Variants in HTT-AS observed in about 807,000 individuals in gnomAD.
HTT-AS encodes the protein HTT antisense RNA (head to head).
At chr4:3,069,750 C>A (rs1174866641) in intron 1 of HTT-AS, among the ~76,000 whole-genome samples, 6 of 152,182 alleles carry the variant, frequency 3.9e-5, no homozygotes, top group Non-Finnish European at 8.8e-5. Context: ...GGAAAGGTTT[C>A]TGTCTGCAGC....
chr4:3,067,880 C>T (rs956062967), intron 1 of HTT-AS, among the ~76,000 whole-genome samples: 2 of 152,128 alleles, frequency 1.3e-5, no homozygotes, highest in South Asian at 2.1e-4. Flanking sequence ...CACCCCCAGA[C>T]GTATCACTGC....
At chr4:3,051,229 C>T (rs559828485) in intron 2 of HTT-AS, among the ~76,000 whole-genome samples, 2 of 152,180 alleles carry the variant, frequency 1.3e-5, no homozygotes, top group African/African-American at 4.8e-5. Flanking sequence ...CCATGCCCAG[C>T]TAATTTTGTA....
intron 2 of HTT-AS, among the ~76,000 whole-genome samples, chr4:3,054,720 AT>A (rs1022446171): frequency 7.5e-4 from 104 of 138,774 alleles, no homozygotes; most frequent in Non-Finnish European, 6.4e-4. Context: ...TTTTCTTTCT[AT>A]TTTTTTTTTT....
chr4:3,064,322 C>T (rs1298136840), intron 1 of HTT-AS, among the ~76,000 whole-genome samples: 1 of 151,938 alleles, frequency 6.6e-6, no homozygotes, highest in East Asian at 1.9e-4. Context: ...CCTCAAACTC[C>T]TTACCTTGTG....
chr4:3,049,954 A>C (rs1248005484), intron 2 of HTT-AS, among the ~76,000 whole-genome samples: 3 of 134,070 alleles, frequency 2.2e-5, no homozygotes, highest in South Asian at 2.6e-4. Context: ...ACACATATAC[A>C]CTTTTTTTTT....
At chr4:3,057,758 T>C (rs368890666) in intron 2 of HTT-AS, among the ~76,000 whole-genome samples, 3 of 151,740 alleles carry the variant, frequency 2.0e-5, no homozygotes, top group Admixed American at 6.6e-5. Flanking sequence ...CTCAGCCTCC[T>C]GAGTAGCTGG....
At chr4:3,058,457 T>C (rs528994939) in intron 2 of HTT-AS, among the ~76,000 whole-genome samples, 2 of 152,336 alleles carry the variant, frequency 1.3e-5, no homozygotes, top group East Asian at 3.9e-4. Flanking sequence ...TAATGAGCTG[T>C]GAGAACAACC....
At chr4:3,065,885 CCAT>C (rs1712038783) in intron 1 of HTT-AS, among the ~76,000 whole-genome samples, 1 of 152,198 alleles carries the variant, frequency 6.6e-6, no homozygotes, top group Admixed American at 6.5e-5. Flanking sequence ...TGCTTTTGCA[CCAT>C]CATCAAGTCA....
At chr4:3,074,612 T>TGGCCCCGCCTCCGCCGGCGC (rs558630166), upstream of HTT-AS, 13,489 of 422,746 alleles carry the variant, frequency 0.032, 695 homozygotes, top group East Asian at 0.17. Context: ...CTGGCCGGCG[T>TGGCCCCGCCTCCGCCGGCGC]GGCCCCGCCT....
chr4:3,057,086 T>C (rs1711816860), intron 2 of HTT-AS, among the ~76,000 whole-genome samples: 1 of 151,652 alleles, frequency 6.6e-6, no homozygotes, highest in African/African-American at 2.4e-5. Flanking sequence ...CAGGCTGGAG[T>C]GCAGTGGCAC....
At chr4:3,047,937 C>A (rs1372937245), downstream of HTT-AS, among the ~76,000 whole-genome samples, 1 of 152,184 alleles carries the variant, frequency 6.6e-6, no homozygotes, top group East Asian at 1.9e-4. Context: ...GCCTCGGCTA[C>A]CAAACAGGGA....
intron 2 of HTT-AS, among the ~76,000 whole-genome samples, chr4:3,058,754 C>G (rs1334774851): frequency 6.6e-6 from 1 of 150,914 alleles, no homozygotes; most frequent in Admixed American, 6.6e-5. Context: ...GGGTCTTGCT[C>G]TGTCACCCAG....
At chr4:3,064,854 T>A (rs1199168189) in intron 1 of HTT-AS, among the ~76,000 whole-genome samples, 1 of 149,862 alleles carries the variant, frequency 6.7e-6, no homozygotes, top group Admixed American at 6.6e-5. Context: ...TATACAAAAC[T>A]TCATACCAAT....
At position 3,066,190 on chromosome 4, in the gene HTT-AS, A is replaced by G. The variant is rs140913541; in HGVS notation, n.114-2490T>C. 1.8e-3 allele frequency among the ~76,000 whole-genome samples: 278 copies of G among 151,580 alleles called. 2 individuals carry two copies. Among genetic ancestry groups the G allele is most frequent in the Middle Eastern group, 6.8e-3 (2 of 292 alleles). ...CTGAGCTAAGCCTCCTTTTTTTTTG[A>G]GGTGGCGTCTCACTCTGTTGCCAGG... On this transcript the variant is annotated intron_variant and non_coding_transcript_variant, in intron 1 of 2. Transcript: ENST00000664062.
At chr4:3,061,177 G>A (rs1039379785) in intron 2 of HTT-AS, among the ~76,000 whole-genome samples, 4 of 152,206 alleles carry the variant, frequency 2.6e-5, no homozygotes, top group Admixed American at 1.3e-4. Context: ...AAATCCTGAT[G>A]ACATGTTCCC....
At chr4:3,071,757 T>G (rs1712178637) in intron 1 of HTT-AS, among the ~76,000 whole-genome samples, 1 of 152,060 alleles carries the variant, frequency 6.6e-6, no homozygotes, top group Non-Finnish European at 1.5e-5. Context: ...ATCCGACTGA[T>G]GTCTTACAAG....
intron 2 of HTT-AS, among the ~76,000 whole-genome samples, chr4:3,054,057 C>T (rs1339935239): frequency 6.6e-6 from 1 of 151,902 alleles, no homozygotes; most frequent in Non-Finnish European, 1.5e-5. Flanking sequence ...TGCACCCAGC[C>T]AGGTTTGCTA....
chr4:3,062,477 C>T (rs1272534040), exon 2 of HTT-AS, among the ~76,000 whole-genome samples: 1 of 152,126 alleles, frequency 6.6e-6, no homozygotes, highest in East Asian at 1.9e-4. Flanking sequence ...CGATTCTAGG[C>T]ACAGCATGTG....
exon 2 of HTT-AS, among the ~76,000 whole-genome samples, chr4:3,062,461 G>C (rs1184363985): frequency 6.6e-6 from 1 of 152,010 alleles, no homozygotes; most frequent in Non-Finnish European, 1.5e-5. Context: ...GTGTGAGCCC[G>C]GACTTCGATT....
Sources: allele counts gnomAD v4.1 joint callset (sites outside exome capture counted in the v4.1 genomes callset), GRCh38; gene constraint gnomAD v4.1.1; transcripts MANE v1.5; gene names NCBI Gene and HGNC (gene_info 2026-07-23, HGNC 2026-07-21).